The following HNF4G variants were observed in gnomAD, a reference collection of about 807,000 sequenced individuals.
HNF4G encodes the protein hepatocyte nuclear factor 4-gamma.
In HNF4G, 21 loss-of-function variants were observed where a neutral mutation model predicts 50.9. That is an observed-to-expected ratio of 0.41 (90% confidence interval 0.29 to 0.59). The LOEUF is 0.59. Ranked by LOEUF, HNF4G falls within the 20% of genes least tolerant of loss-of-function variation. The pLI is 0.26. For missense variants in HNF4G, 527 were observed against 559.4 expected, an observed-to-expected ratio of 0.94 and a Z score of 0.58; for synonymous variants, 198 against 185.6, an observed-to-expected ratio of 1.07 and a Z score of -0.54.
intron 1 of HNF4G, among the ~76,000 whole-genome samples, chr8:75,414,339 G>T (rs1332372275): frequency 6.6e-6 from 1 of 151,476 alleles, no homozygotes. Context: ...TGCATCAGGA[G>T]TTTATTCCTT....
intron 1 of HNF4G, among the ~76,000 whole-genome samples, chr8:75,449,694 A>T (rs1223495475): frequency 6.6e-6 from 1 of 151,684 alleles, no homozygotes; most frequent in African/African-American, 2.4e-5. Context: ...TTTTTAGTAG[A>T]GACGGGGTTT....
chr8:75,560,221 A>G (rs1807266551), intron 8 of HNF4G, 123 bp from the exon 9 acceptor site: 1 of 907,856 alleles, frequency 1.1e-6, no homozygotes, highest in Non-Finnish European at 1.7e-6. Flanking sequence ...TTATTTTTGA[A>G]TTCCCAAAAA....
intron 2 of HNF4G, among the ~76,000 whole-genome samples, chr8:75,512,468 T>TTAC (rs1805782699): frequency 6.7e-6 from 1 of 149,530 alleles, no homozygotes; most frequent in Admixed American, 6.7e-5. Flanking sequence ...ATTATTATTA[T>TTAC]TATTGTTATT....
intron 2 of HNF4G, among the ~76,000 whole-genome samples, chr8:75,528,405 C>G (rs1020263916): frequency 3.0e-4 from 45 of 152,150 alleles, no homozygotes; most frequent in African/African-American, 9.9e-4. Context: ...ATTTTCTCTA[C>G]TTTTAAGATA....
intron 9 of HNF4G, 67 bp from the exon 10 acceptor site, chr8:75,563,908 G>C (rs1807389677): frequency 6.4e-7 from 1 of 1,565,042 alleles, no homozygotes; most frequent in South Asian, 1.1e-5. Flanking sequence ...TTGGTGTTAT[G>C]TAGGGTTTAA....
chr8:75,561,684 A>T (rs975391042), intron 9 of HNF4G, among the ~76,000 whole-genome samples: 3 of 152,124 alleles, frequency 2.0e-5, no homozygotes, highest in African/African-American at 7.2e-5. Flanking sequence ...CTCACTCTTA[A>T]TTGTGAGTTA....
In HNF4G at chr8:75,414,388, T is replaced by G. The variant is rs372702520; in HGVS notation, c.-144+6226T>G. Among the ~76,000 whole-genome samples, 7 of 152,336 alleles carry G rather than the reference T, an allele frequency of 4.6e-5. No individual in the cohort carries two copies. The South Asian group carries it at 1.5e-3, about 32-fold the overall frequency. On this transcript the variant is annotated intron_variant, in intron 1 of 10. Transcript: ENST00000354370. ...AAAACCTTGGATTTATGAGGTGTTA[T>G]TGACATACCATAAACAGCGTATATT...
At chr8:75,413,861 A>AT (rs1810564043) in intron 1 of HNF4G, among the ~76,000 whole-genome samples, 1 of 140,256 alleles carries the variant, frequency 7.1e-6, no homozygotes, top group South Asian at 2.2e-4. Context: ...TGTCTAAAAG[A>AT]TTTAAAAAAA....
At chr8:75,507,221 C>T (rs971070028) in intron 2 of HNF4G, among the ~76,000 whole-genome samples, 9 of 151,054 alleles carry the variant, frequency 6.0e-5, no homozygotes, top group Admixed American at 2.6e-4. Flanking sequence ...CTCTATATAG[C>T]GATTTGCCAT....
At chr8:75,448,444 A>AGT (rs1554570364) in intron 1 of HNF4G, among the ~76,000 whole-genome samples, 1 of 121,488 alleles carries the variant, frequency 8.2e-6, no homozygotes, top group South Asian at 2.7e-4. Flanking sequence ...AAAAAAAAAA[A>AGT]GTGTCAGACA....
At chr8:75,454,770 G>C (rs372607520) in intron 1 of HNF4G, among the ~76,000 whole-genome samples, 1 of 151,980 alleles carries the variant, frequency 6.6e-6, no homozygotes, top group South Asian at 2.1e-4. Flanking sequence ...CTGACATTTC[G>C]ATTAATATAT....
At chr8:75,477,468 T>G (rs1361173721) in intron 1 of HNF4G, among the ~76,000 whole-genome samples, 2 of 152,068 alleles carry the variant, frequency 1.3e-5, no homozygotes, top group East Asian at 3.9e-4. Flanking sequence ...GTGACTAAAT[T>G]TGGAAACACA....
At chr8:75,532,671 A>G (rs751547348) in intron 2 of HNF4G, among the ~76,000 whole-genome samples, 2 of 152,056 alleles carry the variant, frequency 1.3e-5, no homozygotes, top group African/African-American at 2.4e-5. Flanking sequence ...TGTATCAAAA[A>G]TGGAATAAGA....
intron 3 of HNF4G, among the ~76,000 whole-genome samples, chr8:75,550,063 T>A (rs1472742505): frequency 6.6e-6 from 1 of 152,132 alleles, no homozygotes; most frequent in African/African-American, 2.4e-5. Context: ...TTTAACTTAA[T>A]GGAGTGGATA....
chr8:75,506,436 T>G (rs1207974341), intron 2 of HNF4G, among the ~76,000 whole-genome samples: 2 of 152,148 alleles, frequency 1.3e-5, no homozygotes, highest in Non-Finnish European at 2.9e-5. Flanking sequence ...TTTATCCTTT[T>G]GAATAATACT....
At position 75,423,869 on chromosome 8, in the gene HNF4G, G is replaced by C. The variant is rs903126126; in HGVS notation, c.-144+15707G>C. The stretch of plus-strand genomic sequence containing the variant: ...ATAAGGAGTCTCGCTCTGTCTCCAG[G>C]CTGGAGTGCAGTGGGGTGATCTTGG... On this transcript the variant is annotated intron_variant, in intron 1 of 10. Transcript: ENST00000354370. 5.1e-5 allele frequency among the ~76,000 whole-genome samples: 6 copies of C among 116,986 alleles called. No individual in the cohort carries two copies. In the South Asian group the frequency reaches 1.4e-3, roughly 27 times the overall value. 76.7% of individuals were successfully genotyped at this position (116,986 alleles called of 152,430 possible). A position where few individuals can be genotyped will look rare whatever the true frequency, so the allele number is the denominator to read the frequency against.
chr8:75,539,769 AT>A, upstream of HNF4G: 1 of 471,828 alleles, frequency 2.1e-6, no homozygotes, highest in Non-Finnish European at 3.8e-6. Flanking sequence ...TTCATATGCC[AT>A]AAAAGAAGAA....
chr8:75,480,256 C>T lies in HNF4G; in HGVS notation c.-143-9833C>T, dbSNP rs186953016. ...AATCAAACTTTGGGAAAAATCATTT[C>T]CCCTTCTTTGAGCAGCGCACATTTT... On this transcript the variant is annotated intron_variant, in intron 1 of 10. Transcript: ENST00000354370. 1.8e-3 allele frequency among the ~76,000 whole-genome samples: 268 copies of T among 152,248 alleles called. 1 individual carries two copies. The highest frequency in any genetic ancestry group is 3.5e-3 in the South Asian group (17 of 4,826).
intron 1 of HNF4G, among the ~76,000 whole-genome samples, chr8:75,540,690 A>G (rs1806592518): frequency 6.6e-6 from 1 of 152,136 alleles, no homozygotes; most frequent in South Asian, 2.1e-4. Context: ...TTAACTTTAA[A>G]TAAGACATGA....
Sources: allele counts gnomAD v4.1 joint callset (sites outside exome capture counted in the v4.1 genomes callset), GRCh38; gene constraint gnomAD v4.1.1; transcripts MANE v1.5; gene names NCBI Gene and HGNC (gene_info 2026-07-23, HGNC 2026-07-21).